Variants in THSD7B observed in about 807,000 individuals in gnomAD.
The protein encoded by THSD7B is thrombospondin type-1 domain-containing protein 7B.
In THSD7B, 138 loss-of-function variants were observed where a neutral mutation model predicts 213.6. That is an observed-to-expected ratio of 0.65 (90% CI 0.56 to 0.74). The LOEUF (loss-of-function observed/expected upper bound fraction) is 0.74. Ranked by LOEUF, THSD7B falls within the 30% of genes least tolerant of loss-of-function variation. The probability of loss-of-function intolerance (pLI) is 0.00; values close to 1 mark genes in which losing one functional copy is unlikely to be tolerated. For missense variants in THSD7B, 1,931 were observed against 1,991.5 expected, an observed-to-expected ratio of 0.97 and a Z score of 0.58; for synonymous variants, 742 against 687.0, an observed-to-expected ratio of 1.08 and a Z score of -1.25.
chr2:137,432,612 G>A (rs575709564), intron 14 of THSD7B, among the ~76,000 whole-genome samples: 1 of 152,214 alleles, frequency 6.6e-6, no homozygotes, highest in East Asian at 1.9e-4. Context: ...ACACTTAAAT[G>A]GCAGTAAAGG....
chr2:137,092,812 A>G (rs1032466096), intron 3 of THSD7B, among the ~76,000 whole-genome samples: 4 of 152,034 alleles, frequency 2.6e-5, no homozygotes, highest in African/African-American at 9.7e-5. Flanking sequence ...TAATTTTTGT[A>G]TTTTTAGTAG....
intron 15 of THSD7B, among the ~76,000 whole-genome samples, chr2:137,562,272 G>A (rs1681134380): frequency 6.6e-6 from 1 of 152,072 alleles, no homozygotes; most frequent in Non-Finnish European, 1.5e-5. Context: ...TTGGTGATAG[G>A]TGGAACCATT....
intron 7 of THSD7B, among the ~76,000 whole-genome samples, chr2:137,216,903 G>A (rs1681258591): frequency 6.6e-6 from 1 of 152,052 alleles, no homozygotes; most frequent in South Asian, 2.1e-4. Flanking sequence ...GTTGTCTATG[G>A]GCAAGTTTGT....
intron 5 of THSD7B, among the ~76,000 whole-genome samples, chr2:137,133,768 A>AT (rs1389595479): frequency 1.3e-5 from 2 of 152,208 alleles, no homozygotes; most frequent in African/African-American, 4.8e-5. Context: ...TATCCAAAGG[A>AT]CTATCATTTC....
At chr2:137,218,709 C>T (rs1343407533) in intron 7 of THSD7B, among the ~76,000 whole-genome samples, 1 of 152,074 alleles carries the variant, frequency 6.6e-6, no homozygotes, top group East Asian at 1.9e-4. Context: ...CAACTGATGT[C>T]AGCTTGGCTT....
chr2:137,314,261 C>T (rs1265420841), intron 12 of THSD7B, among the ~76,000 whole-genome samples: 1 of 152,186 alleles, frequency 6.6e-6, no homozygotes, highest in Admixed American at 6.5e-5. Flanking sequence ...TTCATTTCAT[C>T]TTCCATCACT....
At position 137,477,438 on chromosome 2, in the gene THSD7B, C is replaced by T. The variant is rs1284167577; in HGVS notation, c.3138+26415C>T. The stretch of plus-strand genomic sequence containing the variant: ...TCTTATAGGCAGCATATAATTGAGT[C>T]ATGTTCTTTTATCCATTCAGCCAGC... On this transcript the variant is annotated intron_variant, in intron 15 of 27. Transcript: ENST00000409968. 1.3e-5 allele frequency among the ~76,000 whole-genome samples: 2 copies of T among 151,832 alleles called. 1 individual carries two copies. Among genetic ancestry groups the T allele is most frequent in the East Asian group, 3.9e-4 (2 of 5,184 alleles).
chr2:137,044,047 C>T (rs1379492352), intron 2 of THSD7B, among the ~76,000 whole-genome samples: 6 of 152,094 alleles, frequency 3.9e-5, no homozygotes, highest in Non-Finnish European at 5.9e-5. Flanking sequence ...AGGTTTTAGT[C>T]GGGAACCTGT....
intron 2 of THSD7B, among the ~76,000 whole-genome samples, chr2:136,939,877 C>G (rs188017105): frequency 2.0e-5 from 3 of 152,178 alleles, no homozygotes; most frequent in Admixed American, 1.3e-4. Flanking sequence ...CACCACCCCC[C>G]GACACACACC....
At chr2:137,059,946 G>A (rs571476491) in intron 3 of THSD7B, among the ~76,000 whole-genome samples, 5 of 152,302 alleles carry the variant, frequency 3.3e-5, no homozygotes, top group Non-Finnish European at 7.4e-5. Context: ...GTAAGAAACT[G>A]CCCAGCTGTC....
At chr2:137,318,053 A>G (rs936891826) in intron 12 of THSD7B, among the ~76,000 whole-genome samples, 4 of 152,198 alleles carry the variant, frequency 2.6e-5, no homozygotes, top group Admixed American at 6.5e-5. Context: ...AACCCACTCT[A>G]TTAGGCAAGA....
At chr2:137,200,382 A>C (rs1393006597) in intron 7 of THSD7B, among the ~76,000 whole-genome samples, 2 of 152,076 alleles carry the variant, frequency 1.3e-5, no homozygotes, top group African/African-American at 4.8e-5. Flanking sequence ...TTTACTGTTC[A>C]ACCTTGTTTT....
chr2:137,111,778 A>G (rs1298564196), intron 4 of THSD7B, among the ~76,000 whole-genome samples: 1 of 152,200 alleles, frequency 6.6e-6, no homozygotes, highest in Non-Finnish European at 1.5e-5. Flanking sequence ...CACGTTGGTA[A>G]GGGGCTATGG....
chr2:137,344,252 A>T (rs1443696424), intron 12 of THSD7B, among the ~76,000 whole-genome samples: 2 of 151,728 alleles, frequency 1.3e-5, no homozygotes, highest in Admixed American at 1.3e-4. Flanking sequence ...GTGCCAAAAA[A>T]GTTGGGGACC....
chr2:136,876,679 T>C (rs541855984), intron 1 of THSD7B, among the ~76,000 whole-genome samples: 2 of 152,354 alleles, frequency 1.3e-5, no homozygotes, highest in South Asian at 4.1e-4. Flanking sequence ...TAATCTAGTG[T>C]ATGTGTGTGT....
At chr2:137,651,497 AT>A (rs1316625502) in intron 21 of THSD7B, among the ~76,000 whole-genome samples, 1 of 151,098 alleles carries the variant, frequency 6.6e-6, no homozygotes, top group Non-Finnish European at 1.5e-5. Context: ...AGTTTTGTTT[AT>A]TTTTTTAAAA....
At chr2:137,610,385 A>G (rs1309447713) in intron 17 of THSD7B, among the ~76,000 whole-genome samples, 10 of 152,210 alleles carry the variant, frequency 6.6e-5, no homozygotes, top group Non-Finnish European at 2.9e-5. Context: ...GGCTAGGGTA[A>G]AAAAAGCCCC....
At chr2:137,436,587 A>G (rs1325938525) in intron 14 of THSD7B, among the ~76,000 whole-genome samples, 2 of 152,168 alleles carry the variant, frequency 1.3e-5, no homozygotes, top group Admixed American at 1.3e-4. Context: ...ATTTCCCATT[A>G]GTGATCAATT....
At chr2:137,480,470 A>G (rs1688282330) in intron 15 of THSD7B, among the ~76,000 whole-genome samples, 1 of 152,216 alleles carries the variant, frequency 6.6e-6, no homozygotes, top group Non-Finnish European at 1.5e-5. Flanking sequence ...TAAGACATCT[A>G]TCAAAGTACC....
Sources: gnomAD v4.1 joint callset for allele counts (sites outside exome capture counted in the v4.1 genomes callset) on GRCh38, gnomAD v4.1.1 for gene constraint, MANE v1.5 for transcripts, NCBI Gene and HGNC (gene_info 2026-07-23, HGNC 2026-07-21) for gene names.